The following SNTG2 variants were observed in gnomAD, a reference collection of about 807,000 sequenced individuals.
SNTG2 encodes the protein syntrophin gamma 2, also known as gamma-2-syntrophin.
Under a neutral mutation model 70.9 loss-of-function variants are expected in SNTG2, and 74 were observed. The observed-to-expected ratio is 1.04, with a 90% confidence interval of 0.86 to 1.27. The LOEUF is 1.27. SNTG2 is among the 50% of genes most tolerant of loss of function. The probability of loss-of-function intolerance (pLI) is 0.00; values close to 1 mark genes in which losing one functional copy is unlikely to be tolerated. For missense variants in SNTG2, 717 were observed against 690.7 expected, an observed-to-expected ratio of 1.04 and a Z score of -0.43; for synonymous variants, 278 against 273.8, an observed-to-expected ratio of 1.02 and a Z score of -0.15.
chr2:1,148,222 G>A (rs1236582090), intron 6 of SNTG2, among the ~76,000 whole-genome samples: 1 of 152,222 alleles, frequency 6.6e-6, no homozygotes, highest in East Asian at 1.9e-4. Flanking sequence ...TTGGAAAACT[G>A]TGAAATACGG....
chr2:1,017,649 A>G (rs565606404), intron 1 of SNTG2, among the ~76,000 whole-genome samples: 14 of 152,252 alleles, frequency 9.2e-5, no homozygotes, highest in Non-Finnish European at 1.9e-4. Context: ...ACAGATGCAC[A>G]CCATAGTGTT....
chr2:1,132,716 G>A (rs1163520056), intron 4 of SNTG2, among the ~76,000 whole-genome samples: 1 of 152,170 alleles, frequency 6.6e-6, no homozygotes, highest in African/African-American at 2.4e-5. Context: ...CTGAGTGTAA[G>A]CTGTGGAAGA....
At chr2:1,303,793 CTGTG>C (rs1402287320) in intron 14 of SNTG2, among the ~76,000 whole-genome samples, 1 of 152,196 alleles carries the variant, frequency 6.6e-6, no homozygotes, top group South Asian at 2.1e-4. Flanking sequence ...TCACTACAGA[CTGTG>C]TAAACTTCGA....
At chr2:1,192,156 G>C (rs1385741405) in intron 8 of SNTG2, among the ~76,000 whole-genome samples, 1 of 152,222 alleles carries the variant, frequency 6.6e-6, no homozygotes, top group Non-Finnish European at 1.5e-5. Context: ...AGAAGGCATT[G>C]CAATCCCAGG....
intron 4 of SNTG2, among the ~76,000 whole-genome samples, chr2:1,126,364 G>A (rs1183245369): frequency 3.3e-5 from 5 of 152,154 alleles, no homozygotes; most frequent in Non-Finnish European, 7.4e-5. Flanking sequence ...TATACACCAC[G>A]TTGTCTTTAT....
chr2:1,221,195 C>T (rs527843724), intron 9 of SNTG2, among the ~76,000 whole-genome samples: 41 of 152,230 alleles, frequency 2.7e-4, no homozygotes, highest in Admixed American at 4.6e-4. Context: ...ACACTGCTTC[C>T]GAGATTCCCC....
At chr2:979,048 G>A (rs1222099684) in intron 1 of SNTG2, among the ~76,000 whole-genome samples, 1 of 152,218 alleles carries the variant, frequency 6.6e-6, no homozygotes, top group Non-Finnish European at 1.5e-5. Context: ...CTCCTAGGGA[G>A]CATTGAAGTG....
chr2:1,081,702 C>T (rs148845705), intron 1 of SNTG2, among the ~76,000 whole-genome samples: 2 of 152,366 alleles, frequency 1.3e-5, no homozygotes, highest in Admixed American at 6.5e-5. Context: ...CTCCCAGAGC[C>T]GTGGCAGCAC....
chr2:1,355,925 C>A (rs1660828501), intron 16 of SNTG2, among the ~76,000 whole-genome samples: 1 of 152,212 alleles, frequency 6.6e-6, no homozygotes, highest in South Asian at 2.1e-4. Context: ...TTTTGATTTG[C>A]ATTTCCCTAA....
chr2:954,743 C>G (rs1264012870), intron 1 of SNTG2, among the ~76,000 whole-genome samples: 2 of 152,190 alleles, frequency 1.3e-5, no homozygotes, highest in African/African-American at 2.4e-5. Context: ...AACAAGAAGG[C>G]CCTCCAAAAG....
chr2:1,128,797 A>G (rs1407617235), intron 4 of SNTG2, among the ~76,000 whole-genome samples: 2 of 152,088 alleles, frequency 1.3e-5, no homozygotes, highest in South Asian at 2.1e-4. Flanking sequence ...CAGGGCTGAT[A>G]GCCATCAGCC....
At chr2:1,218,865 A>G (rs1211507121) in intron 9 of SNTG2, among the ~76,000 whole-genome samples, 1 of 152,218 alleles carries the variant, frequency 6.6e-6, no homozygotes, top group African/African-American at 2.4e-5. Flanking sequence ...GGGAGATGAT[A>G]TAATACTTTA....
chr2:1,277,201 A>C (rs1679302599), intron 14 of SNTG2, among the ~76,000 whole-genome samples: 1 of 152,224 alleles, frequency 6.6e-6, no homozygotes, highest in African/African-American at 2.4e-5. Flanking sequence ...TTTTGAAAGA[A>C]GTTCTACCAT....
At chr2:958,595 T>C (rs1022928137) in intron 1 of SNTG2, among the ~76,000 whole-genome samples, 14 of 152,166 alleles carry the variant, frequency 9.2e-5, no homozygotes, top group African/African-American at 3.1e-4. Context: ...AAAGAAAACC[T>C]CTAAAGTCAC....
intron 1 of SNTG2, among the ~76,000 whole-genome samples, chr2:986,750 A>G (rs1401510213): frequency 1.3e-5 from 2 of 152,342 alleles, no homozygotes; most frequent in Middle Eastern, 3.4e-3. Flanking sequence ...AAAAGATAAA[A>G]TGTAGCAGTG....
At chr2:1,136,051 A>T (rs1044672267) in intron 4 of SNTG2, among the ~76,000 whole-genome samples, 3 of 152,162 alleles carry the variant, frequency 2.0e-5, no homozygotes, top group African/African-American at 7.2e-5. Flanking sequence ...AATTTTCTGC[A>T]CTTTTATAGC....
chr2:1,342,215 G>C (rs1382046894), intron 16 of SNTG2, among the ~76,000 whole-genome samples: 1 of 131,580 alleles, frequency 7.6e-6, no homozygotes, highest in Non-Finnish European at 1.6e-5. Flanking sequence ...CTTCTGGCTT[G>C]TTATGAATTA....
At chr2:1,281,758 C>A (rs1256903365) in intron 14 of SNTG2, among the ~76,000 whole-genome samples, 2 of 152,108 alleles carry the variant, frequency 1.3e-5, no homozygotes, top group African/African-American at 4.8e-5. Context: ...GGAGACAGCA[C>A]TGGAAATGGT....
rs1014571889 is a variant in SNTG2 at position 1,339,112 on chromosome 2, A to G, written c.1488+22737A>G. 3.9e-5 allele frequency among the ~76,000 whole-genome samples: 6 copies of G among 152,180 alleles called. No individual in the cohort carries two copies. The East Asian group carries it at 5.8e-4, about 15-fold the overall frequency. ...GGTTTTGTTTGTTTGCATTTCCCCA[A>G]TGATTGATGATGTGACACATCTTAC... On this transcript the variant is annotated intron_variant, in intron 16 of 16. Transcript: ENST00000308624.
Sources: allele counts gnomAD v4.1 joint callset (sites outside exome capture counted in the v4.1 genomes callset), GRCh38; gene constraint gnomAD v4.1.1; transcripts MANE v1.5; gene names NCBI Gene and HGNC (gene_info 2026-07-23, HGNC 2026-07-21).